Variants in FARS2 observed in about 807,000 individuals in gnomAD.
FARS2 encodes phenylalanyl-tRNA synthetase 2, mitochondrial.
Under a neutral mutation model 46.4 loss-of-function variants are expected in FARS2, and 40 were observed. That is an observed-to-expected ratio of 0.86 (90% CI 0.67 to 1.12). The LOEUF (loss-of-function observed/expected upper bound fraction) is 1.12. Among genes scored for constraint, FARS2 ranks in the 50% most tolerant of loss-of-function variants. The probability of loss-of-function intolerance (pLI) is 0.00; values close to 1 mark genes in which losing one functional copy is unlikely to be tolerated. For missense variants in FARS2, 513 were observed against 567.9 expected, an observed-to-expected ratio of 0.90 and a Z score of 0.98; for synonymous variants, 234 against 214.9, an observed-to-expected ratio of 1.09 and a Z score of -0.78.
chr6:5,603,600 A>C (rs1774663288), intron 5 of FARS2, among the ~76,000 whole-genome samples: 1 of 152,220 alleles, frequency 6.6e-6, no homozygotes, highest in African/African-American at 2.4e-5. Flanking sequence ...GTTTGCTGGC[A>C]CACTTTGGCA....
chr6:5,425,912 A>G (rs1468696504), intron 3 of FARS2, among the ~76,000 whole-genome samples: 10 of 152,204 alleles, frequency 6.6e-5, no homozygotes, highest in Admixed American at 5.2e-4. Flanking sequence ...GGTGAGGGCA[A>G]TCATTATCCA....
chr6:5,459,289 A>G (rs539625808), intron 4 of FARS2, among the ~76,000 whole-genome samples: 8 of 152,150 alleles, frequency 5.3e-5, no homozygotes, highest in Non-Finnish European at 1.0e-4. Flanking sequence ...AAATGTTGGT[A>G]TTTTCACAAC....
At chr6:5,605,083 T>C (rs1774754301) in intron 5 of FARS2, among the ~76,000 whole-genome samples, 2 of 152,248 alleles carry the variant, frequency 1.3e-5, no homozygotes, top group East Asian at 1.9e-4. Context: ...GCACTTTGCC[T>C]GCTCCAAACA....
rs763659455 is a variant in FARS2, at chr6:5,368,968, C to T, written c.398C>T (p.Ala133Val). The T allele has an allele frequency of 4.3e-6, 7 of 1,614,172 alleles. No individual in the cohort carries two copies. The East Asian group carries it at 1.3e-4, about 31-fold the overall frequency. The part of the protein sequence containing the change: ...WQNFDSLLIP[A>V]DHPSRKKGDN... ...AACTTTGACAGCCTGCTCATCCCAG[C>T]TGATCACCCCAGCAGGAAGAAGGGG... Residue 133 changes from alanine to valine, a missense_variant, in exon 2 of 7, where the codon GCT becomes GTT. Transcript: ENST00000274680.
At chr6:5,434,030 G>A (rs1334672659) in intron 4 of FARS2, among the ~76,000 whole-genome samples, 1 of 152,154 alleles carries the variant, frequency 6.6e-6, no homozygotes, top group Admixed American at 6.5e-5. Flanking sequence ...CACCTAAGTC[G>A]TAAATATGTT....
intron 1 of FARS2, among the ~76,000 whole-genome samples, chr6:5,333,208 C>T (rs1770922061): frequency 6.6e-6 from 1 of 150,838 alleles, no homozygotes. Context: ...TTATTTTGGT[C>T]TTACTTGAAA....
chr6:5,670,963 C>CTG (rs1365764342), intron 6 of FARS2, among the ~76,000 whole-genome samples: 58 of 152,242 alleles, frequency 3.8e-4, no homozygotes, highest in Non-Finnish European at 6.3e-4. Flanking sequence ...AGTGTGCAGT[C>CTG]TATGCCTGAC....
At chr6:5,661,607 T>C (rs2150782021) in intron 6 of FARS2, among the ~76,000 whole-genome samples, 1 of 152,196 alleles carries the variant, frequency 6.6e-6, no homozygotes, top group African/African-American at 2.4e-5. Flanking sequence ...GTAGCCAACA[T>C]CACTGAAGAG....
At chr6:5,370,330 A>C (rs1274612147) in intron 2 of FARS2, among the ~76,000 whole-genome samples, 3 of 152,004 alleles carry the variant, frequency 2.0e-5, no homozygotes, top group Non-Finnish European at 4.4e-5. Flanking sequence ...GCCTTACACA[A>C]AAAGGCCATC....
intron 1 of FARS2, among the ~76,000 whole-genome samples, chr6:5,304,636 T>C (rs1360027502): frequency 6.6e-6 from 1 of 151,910 alleles, no homozygotes; most frequent in Non-Finnish European, 1.5e-5. Context: ...GCTGTGTTTA[T>C]GTTTGTGTTT....
intron 4 of FARS2, among the ~76,000 whole-genome samples, chr6:5,473,016 T>A (rs956215926): frequency 1.3e-5 from 2 of 152,240 alleles, no homozygotes; most frequent in African/African-American, 4.8e-5. Flanking sequence ...AGGGTAATGT[T>A]TGCAGTCCAT....
At chr6:5,542,936 T>C (rs1165689503) in intron 4 of FARS2, among the ~76,000 whole-genome samples, 1 of 152,242 alleles carries the variant, frequency 6.6e-6, no homozygotes, top group African/African-American at 2.4e-5. Flanking sequence ...CATTTGGACA[T>C]AGAACTTTTT....
At chr6:5,293,111 G>A (rs1767618776) in intron 1 of FARS2, among the ~76,000 whole-genome samples, 1 of 152,252 alleles carries the variant, frequency 6.6e-6, no homozygotes, top group South Asian at 2.1e-4. Context: ...TGCAGTGGTA[G>A]AGCAGAATCC....
At chr6:5,750,894 C>G (rs750991970) in intron 6 of FARS2, among the ~76,000 whole-genome samples, 4 of 152,138 alleles carry the variant, frequency 2.6e-5, no homozygotes, top group Non-Finnish European at 5.9e-5. Context: ...TTTAGGATTT[C>G]TAAGTCTTTC....
chr6:5,658,516 A>C (rs1429569266), intron 6 of FARS2, among the ~76,000 whole-genome samples: 1 of 152,206 alleles, frequency 6.6e-6, no homozygotes, highest in African/African-American at 2.4e-5. Flanking sequence ...TCTAATATAC[A>C]CAAGAATACC....
At chr6:5,664,444 T>A (rs1778006216) in intron 6 of FARS2, among the ~76,000 whole-genome samples, 2 of 152,114 alleles carry the variant, frequency 1.3e-5, no homozygotes, top group South Asian at 2.1e-4. Flanking sequence ...TCGCCCAGAG[T>A]CTGCTTGGTC....
intron 6 of FARS2, among the ~76,000 whole-genome samples, chr6:5,626,871 C>A (rs1776058819): frequency 6.6e-6 from 1 of 152,224 alleles, no homozygotes; most frequent in Non-Finnish European, 1.5e-5. Flanking sequence ...CTAGAAGGTG[C>A]AGCCTACTGC....
chr6:5,540,907 G>A (rs1295654733), intron 4 of FARS2, among the ~76,000 whole-genome samples: 1 of 152,182 alleles, frequency 6.6e-6, no homozygotes, highest in African/African-American at 2.4e-5. Flanking sequence ...TTATGACAAG[G>A]ACATATGATG....
At chr6:5,498,901 G>T (rs139460917) in intron 4 of FARS2, among the ~76,000 whole-genome samples, 2 of 152,230 alleles carry the variant, frequency 1.3e-5, no homozygotes, top group African/African-American at 4.8e-5. Flanking sequence ...AGCCAGTAGT[G>T]CCTTTTTTTT....
Sources: gnomAD v4.1 joint callset for allele counts (sites outside exome capture counted in the v4.1 genomes callset) on GRCh38, gnomAD v4.1.1 for gene constraint, MANE v1.5 for transcripts, NCBI Gene and HGNC (gene_info 2026-07-23, HGNC 2026-07-21) for gene names.